Variants in SPMIP2 observed in about 807,000 individuals in gnomAD.
The protein encoded by SPMIP2 is sperm microtubule inner protein 2, also known as protein SPMIP2.
At chr4:159,005,067 C>T in the SPMIP2 span, among the ~76,000 whole-genome samples, 1 of 151,930 alleles carries the variant, frequency 6.6e-6, no homozygotes, top group South Asian at 2.1e-4. Flanking sequence ...CCCATCTCTA[C>T]TAAAAATACA....
the SPMIP2 span, chr4:158,960,341 C>T: frequency 1.3e-6 from 2 of 1,552,226 alleles, no homozygotes; most frequent in African/African-American, 2.7e-5. Flanking sequence ...CTTAGTTCTT[C>T]ATACTGTAAA....
At chr4:159,028,671 G>A in the SPMIP2 span, among the ~76,000 whole-genome samples, 1 of 152,114 alleles carries the variant, frequency 6.6e-6, no homozygotes, top group African/African-American at 2.4e-5. Flanking sequence ...CTGGAACTGG[G>A]TAAACAAATT....
At chr4:158,983,544 T>G in the SPMIP2 span, among the ~76,000 whole-genome samples, 1 of 136,822 alleles carries the variant, frequency 7.3e-6, no homozygotes, top group African/African-American at 2.8e-5. Flanking sequence ...GAATTTCATA[T>G]CCAGCCAAAC....
the SPMIP2 span, among the ~76,000 whole-genome samples, chr4:159,004,776 GT>G: frequency 5.9e-5 from 9 of 151,750 alleles, no homozygotes; most frequent in East Asian, 3.9e-4. Context: ...GTGTCAAGCT[GT>G]TTTTTTTACC....
At chr4:159,069,582 G>A in the SPMIP2 span, among the ~76,000 whole-genome samples, 11 of 150,048 alleles carry the variant, frequency 7.3e-5, no homozygotes, top group East Asian at 2.0e-4. Flanking sequence ...CCACAGGCAA[G>A]TGCCACCACA....
At chr4:158,955,088 T>A in the SPMIP2 span, among the ~76,000 whole-genome samples, 37 of 151,898 alleles carry the variant, frequency 2.4e-4, no homozygotes, top group African/African-American at 8.5e-4. Context: ...AAAACAAGAG[T>A]ACATTTCCTT....
At chr4:158,999,846 G>C in the SPMIP2 span, among the ~76,000 whole-genome samples, 1 of 152,090 alleles carries the variant, frequency 6.6e-6, no homozygotes, top group Non-Finnish European at 1.5e-5. Context: ...CTTACTTTAA[G>C]GATTTATTTT....
At chr4:158,915,015 C>T in the SPMIP2 span, among the ~76,000 whole-genome samples, 1 of 152,182 alleles carries the variant, frequency 6.6e-6, no homozygotes, top group Non-Finnish European at 1.5e-5. Context: ...ATAAACATCA[C>T]TGTGGCAATC....
At chr4:158,972,991 C>G in the SPMIP2 span, 1 of 861,104 alleles carries the variant, frequency 1.2e-6, no homozygotes, top group South Asian at 1.8e-5. Context: ...AGAAATCAAG[C>G]ACCCGACATT....
At chr4:158,977,625 T>TTTTTTTTTTTTTTTTTTTTC in the SPMIP2 span, among the ~76,000 whole-genome samples, 1 of 104,338 alleles carries the variant, frequency 9.6e-6, no homozygotes, top group Non-Finnish European at 1.9e-5. Context: ...TTTTTTTTTT[T>TTTTTTTTTTTTTTTTTTTTC]TCTCTTTGAG....
chr4:158,931,319 G>A, the SPMIP2 span, among the ~76,000 whole-genome samples: 1 of 151,930 alleles, frequency 6.6e-6, no homozygotes, highest in Non-Finnish European at 1.5e-5. Flanking sequence ...GCATGATCTC[G>A]GCTCACTGCA....
chr4:159,066,343 A>G, the SPMIP2 span, among the ~76,000 whole-genome samples: 1 of 152,060 alleles, frequency 6.6e-6, no homozygotes, highest in Admixed American at 6.5e-5. Context: ...CTGGTGCCAC[A>G]GGGAAATATG....
chr4:158,954,066 G>A, the SPMIP2 span, among the ~76,000 whole-genome samples: 109 of 152,320 alleles, frequency 7.2e-4, no homozygotes, highest in Non-Finnish European at 1.1e-3. Flanking sequence ...GAACTGTTAG[G>A]AAGGCATGAT....
the SPMIP2 span, among the ~76,000 whole-genome samples, chr4:158,920,979 G>T: frequency 2.6e-5 from 4 of 152,312 alleles, no homozygotes; most frequent in East Asian, 5.8e-4. Flanking sequence ...GTCACCCCTG[G>T]CGACCCAGCT....
the SPMIP2 span, among the ~76,000 whole-genome samples, chr4:159,079,305 C>CA: frequency 1.1e-4 from 16 of 151,716 alleles, no homozygotes; most frequent in Non-Finnish European, 1.8e-4. Context: ...AATTAGTGGC[C>CA]AAAAAAAGAG....
chr4:158,988,148 T>C, the SPMIP2 span, among the ~76,000 whole-genome samples: 4 of 152,048 alleles, frequency 2.6e-5, no homozygotes, highest in African/African-American at 9.7e-5. Context: ...CTAGAAGAAA[T>C]GGATAAATTC....
At chr4:159,073,127 G>T in the SPMIP2 span, among the ~76,000 whole-genome samples, 14 of 152,058 alleles carry the variant, frequency 9.2e-5, no homozygotes, top group Non-Finnish European at 1.9e-4. Context: ...GTTCGGTTTA[G>T]GAAGAATACA....
chr4:158,917,699 T>C, the SPMIP2 span, among the ~76,000 whole-genome samples: 1 of 150,382 alleles, frequency 6.6e-6, no homozygotes, highest in African/African-American at 2.4e-5. Context: ...GCAATTTTTC[T>C]CCTTTAATAG....
At chr4:159,044,834 A>G in the SPMIP2 span, among the ~76,000 whole-genome samples, 79,942 of 152,158 alleles carry the variant, frequency 0.53, 21,644 homozygotes, top group East Asian at 0.76. Context: ...GCTCACGCCT[A>G]TGATCCCAGC....
Sources: gnomAD v4.1 joint callset for allele counts (sites outside exome capture counted in the v4.1 genomes callset) on GRCh38, gnomAD v4.1.1 for gene constraint, MANE v1.5 for transcripts, NCBI Gene and HGNC (gene_info 2026-07-23, HGNC 2026-07-21) for gene names.